Variants in DDX3Y observed in about 807,000 individuals in gnomAD.
DDX3Y encodes the protein DEAD-box helicase 3 Y-linked, also known as ATP-dependent RNA helicase DDX3Y.
DDX3Y carries 2 observed loss-of-function variants against 15.1 expected under a neutral mutation model. The observed-to-expected ratio is 0.13, with a 90% confidence interval of 0.05 to 0.42. The LOEUF (loss-of-function observed/expected upper bound fraction) is 0.42. DDX3Y is among the 10% of genes least tolerant of loss of function. The pLI, the probability that DDX3Y is intolerant of heterozygous loss-of-function variation, is 0.99. For synonymous variants in DDX3Y, 47 were observed against 45.0 expected, an observed-to-expected ratio of 1.04 and a Z score of -0.18; for missense variants, 81 against 149.9, an observed-to-expected ratio of 0.54 and a Z score of 2.40.
At chrY:12,904,772 G>A, upstream of DDX3Y, 1 of 178,303 alleles carries the variant, frequency 5.6e-6, no homozygotes, top group Non-Finnish European at 1.1e-5. Flanking sequence ...GAGGGGTGGA[G>A]CCAACGATTA....
intron 4 of DDX3Y, among the ~76,000 whole-genome samples, chrY:12,912,310 G>A: frequency 3.0e-5 from 1 of 33,186 alleles, no homozygotes; most frequent in South Asian, 6.5e-4. Context: ...TCACAAATAG[G>A]AGTAAAACTC....
In DDX3Y at chrY:12,912,990, G is replaced by A; in HGVS notation, c.465G>A (p.Gly155=). 2.5e-6 allele frequency: 1 copy of A among 397,574 alleles called. No individual in the cohort carries two copies. The highest frequency in any genetic ancestry group is 3.5e-6 in the Non-Finnish European group (1 of 282,770). ...AACTGTTTTCTGGAGGAAACACGGG[G>A]ATTAACTTTGAGAAATATGATGATA... is the stretch of plus-strand genomic sequence containing the variant. The part of the protein sequence containing the change: ...EQELFSGGNT[G]INFEKYDDIP... The change falls in exon 6 of 17, where the codon GGG becomes GGA. Residue 155 remains glycine (G), a synonymous_variant. Coordinates refer to ENST00000336079, the MANE Select transcript of DDX3Y (RefSeq NM_004660.5).
intron 4 of DDX3Y, 77 bp downstream of exon 4, chrY:12,912,045 C>A: frequency 4.6e-6 from 1 of 218,491 alleles, no homozygotes; most frequent in Non-Finnish European, 8.2e-6. Context: ...TTCATACTTT[C>A]AGTGGTCAAG....
intron 1 of DDX3Y, among the ~76,000 whole-genome samples, chrY:12,905,217 A>T (rs948303663): frequency 2.9e-5 from 1 of 33,912 alleles, no homozygotes. Context: ...GTATTCTGGT[A>T]TAGTACTGGG....
chrY:12,913,612 T>C (rs1038460898), intron 6 of DDX3Y, 106 bp from the exon 7 acceptor site: 7 of 213,714 alleles, frequency 3.3e-5, no homozygotes, highest in Admixed American at 2.9e-4. Context: ...CTTCCATTAA[T>C]ATGTTAGTAT....
chrY:12,917,583 CT>C (rs745615763), intron 16 of DDX3Y, 41 bp downstream of exon 16: 10 of 167,788 alleles, frequency 6.0e-5, no homozygotes, highest in African/African-American at 3.4e-4. Context: ...TTTTGTTTTT[CT>C]TTTTTTTTTT....
At chrY:12,907,641 G>A in intron 2 of DDX3Y, 47 bp downstream of exon 2, 1 of 215,740 alleles carries the variant, frequency 4.6e-6, no homozygotes, top group East Asian at 1.1e-4. Context: ...AGAGCTTAAT[G>A]TTAATGTCTT....
intron 3 of DDX3Y, 83 bp from the exon 4 acceptor site, chrY:12,911,756 T>A (rs2053628849): frequency 1.1e-5 from 3 of 282,181 alleles, no homozygotes; most frequent in Admixed American, 2.0e-4. Flanking sequence ...AAAGGAAGAC[T>A]ACATGTGAAG....
intron 7 of DDX3Y, 128 bp from the exon 8 acceptor site, chrY:12,914,436 T>C: frequency 1.2e-5 from 2 of 163,878 alleles, no homozygotes; most frequent in South Asian, 9.5e-5. Context: ...GTTTGCCATA[T>C]AAATTTACTG....
At chrY:12,917,583 C>CT (rs745615763) in intron 16 of DDX3Y, 41 bp downstream of exon 16, 834 of 208,127 alleles carry the variant, frequency 4.0e-3, no homozygotes, top group Admixed American at 0.014. Context: ...TTTTGTTTTT[C>CT]TTTTTTTTTT....
At chrY:12,909,507 C>G in intron 3 of DDX3Y, 100 bp downstream of exon 3, 1 of 176,246 alleles carries the variant, frequency 5.7e-6, no homozygotes, top group Non-Finnish European at 9.9e-6. Flanking sequence ...TTTTTGTCCC[C>G]TCCTGTGCCT....
intron 1 of DDX3Y, 32 bp from the exon 2 acceptor site, chrY:12,907,505 A>G: frequency 3.2e-6 from 1 of 313,210 alleles, no homozygotes. Context: ...GTTCTTGTGT[A>G]TCAGCATGTG....
At chrY:12,910,977 CTCAGCTCACTGCAA>C (rs2053625884) in intron 3 of DDX3Y, among the ~76,000 whole-genome samples, 4 of 28,519 alleles carry the variant, frequency 1.4e-4, no homozygotes, top group Non-Finnish European at 2.5e-4. Flanking sequence ...GTGGCGCGAT[CTCAGCTCACTGCAA>C]GCTCCACCTC....
chrY:12,912,718 G>A lies in DDX3Y; in HGVS notation c.282-9G>A. On this transcript the variant is annotated splice_polypyrimidine_tract_variant and intron_variant, in intron 4 of 16. Coordinates refer to ENST00000336079, the MANE Select transcript of DDX3Y (RefSeq NM_004660.5). ...AAATCGTGTACTTCTGATTGCTTGT[G>A]CTATTCAGATTTGATGATCGTGGAC... is the stretch of plus-strand genomic sequence containing the variant. The A allele has an allele frequency of 2.5e-6, 1 of 397,492 alleles. No homozygotes were observed. The highest frequency in any genetic ancestry group is 3.5e-6 in the Non-Finnish European group (1 of 282,689).
Position 12,920,161 on chromosome Y carries a change from T to A in DDX3Y, c.*2039T>A, listed in dbSNP as rs539207248. The A allele has an allele frequency of 3.0e-5, 1 of 33,825 alleles. No homozygotes were observed. Among genetic ancestry groups the A allele is most frequent in the East Asian group, 7.7e-4 (1 of 1,306 alleles). The allele number at this position is 33,825 out of a possible 400,897, so 8.4% of individuals were successfully genotyped here. The stretch of plus-strand genomic sequence containing the variant: ...TTGTCTTAAGATATTAATGAAACAC[T>A]TCTGAACACTGATAGGAAGTGTCCA... On this transcript the variant is annotated 3_prime_UTR_variant, in exon 17 of 17. Transcript: ENST00000336079.
Position 12,912,737 on chromosome Y carries a change from C to T in DDX3Y, c.292C>T (p.Arg98Cys). Residue 98 changes from arginine to cysteine, a missense_variant, in exon 5 of 17, where the codon CGT (arginine) becomes TGT (cysteine). Around this residue, in one of 2 missense-constraint regions of DDX3Y, gnomAD observed 29 missense variants for 27.1 expected, o/e 1.07. Transcript: ENST00000336079. ...GCTTGTGCTATTCAGATTTGATGATCGTGGACGGAGTGACTATGATGGTAT... is the reference window on the plus strand; with the variant it reads ...GCTTGTGCTATTCAGATTTGATGATTGTGGACGGAGTGACTATGATGGTAT... The part of the protein sequence containing the change: ...GSGSRGRFDD[R>C]GRSDYDGIGN... The T allele has an allele frequency of 2.5e-6, 1 of 397,930 alleles. No individual in the cohort carries two copies. Among genetic ancestry groups the T allele is most frequent in the Non-Finnish European group, 3.5e-6 (1 of 283,204 alleles).
chrY:12,917,574 T>C (rs749462239), intron 16 of DDX3Y, 32 bp downstream of exon 16: 1 of 362,532 alleles, frequency 2.8e-6, no homozygotes, highest in Non-Finnish European at 3.8e-6. Context: ...GGAAGGGCTT[T>C]TTGTTTTTCT....
At chrY:12,904,836 G>A, upstream of DDX3Y, 1 of 281,643 alleles carries the variant, frequency 3.6e-6, no homozygotes, top group Non-Finnish European at 5.6e-6. Context: ...TTACCGCGTA[G>A]GCTAACCAGT....
chrY:12,916,115 C>T, intron 12 of DDX3Y, 88 bp downstream of exon 12: 1 of 339,460 alleles, frequency 2.9e-6, no homozygotes, highest in Admixed American at 8.0e-5. Context: ...CTAAACATGG[C>T]TAAAACAATG....
Sources: allele counts gnomAD v4.1 joint callset (sites outside exome capture counted in the v4.1 genomes callset), GRCh38; gene constraint gnomAD v4.1.1; regional missense constraint gnomAD v4.1.1; transcripts MANE v1.5; gene names NCBI Gene and HGNC (gene_info 2026-07-23, HGNC 2026-07-21).